Variants in GLUL observed in about 807,000 individuals in gnomAD.
GLUL encodes the protein glutamate-ammonia ligase, also known as glutamine synthetase.
In GLUL, 8 loss-of-function variants were observed where a neutral mutation model predicts 36.9. The observed-to-expected ratio is 0.22, with a 90% CI of 0.13 to 0.39. The LOEUF (loss-of-function observed/expected upper bound fraction) is 0.39. Ranked by LOEUF, GLUL falls within the 10% of genes least tolerant of loss-of-function variation. GLUL has a pLI of 1.00. For missense variants in GLUL, 315 were observed against 501.8 expected (o/e 0.63, Z 3.56); for synonymous variants, 182 against 172.8 (o/e 1.05, Z -0.42).
At chr1:182,386,001 C>A in intron 4 of GLUL, 114 bp from the exon 5 acceptor site, 1 of 1,150,268 alleles carries the variant, frequency 8.7e-7, no homozygotes, top group Non-Finnish European at 1.3e-6. Flanking sequence ...TTGCCTTCAT[C>A]TGCAGGTGCG....
At chr1:182,391,142 G>A in intron 1 of GLUL, 1 of 398,552 alleles carries the variant, frequency 2.5e-6, no homozygotes, top group Non-Finnish European at 4.4e-6. Context: ...CCGGGACCCC[G>A]AGGCGGGAGC....
intron 4 of GLUL, 23 bp from the exon 5 acceptor site, chr1:182,385,910 C>T (rs762609090): frequency 7.4e-6 from 12 of 1,612,232 alleles, no homozygotes; most frequent in Middle Eastern, 1.7e-4. Flanking sequence ...CAGGACAAAA[C>T]ACTAAGAGTC....
chr1:182,391,082 G>T, intron 1 of GLUL: 2 of 398,384 alleles, frequency 5.0e-6, no homozygotes, highest in South Asian at 2.6e-4. Flanking sequence ...CTTCTCCACT[G>T]ACTGCGCCGA....
chr1:182,389,562 A>T, intron 1 of GLUL: 1 of 152,092 alleles, frequency 6.6e-6, no homozygotes, highest in East Asian at 1.9e-4. Context: ...CTTGTCAAGT[A>T]ATTAGGAAAT....
Position 182,384,199 on chromosome 1 carries a change from AAAG to A in GLUL, c.*203_*205del, listed in dbSNP as rs1222072720. 3 of 578,084 alleles carry A rather than the reference AAAG, an allele frequency of 5.2e-6. No homozygotes were observed. The highest frequency in any genetic ancestry group is 9.3e-6 in the Non-Finnish European group (3 of 324,216). The allele number at this position is 578,084 out of a possible 1,614,324, so 35.8% of individuals were successfully genotyped here. On this transcript the variant is annotated 3_prime_UTR_variant, in exon 7 of 7. Transcript: ENST00000331872. ...TAAAAAGCTTCAGTGATAGGGAAAA[AAAG>A]GAGGGTAGGTGTGAAGAAATTAATA...
intron 1 of GLUL, 192 bp from the exon 2 acceptor site, chr1:182,388,942 C>A (rs1202996164): frequency 3.4e-6 from 2 of 587,420 alleles, no homozygotes; most frequent in African/African-American, 3.7e-5. Context: ...AGGCAAAAAT[C>A]TCCTTTATAA....
rs1649911083 is a variant in GLUL at position 182,381,083 on chromosome 1, A to T, written c.*3322T>A. Among the ~76,000 whole-genome samples, 1 of 152,224 alleles carries T rather than the reference A, an allele frequency of 6.6e-6. No individual in the cohort carries two copies. The highest frequency in any genetic ancestry group is 2.1e-4 in the South Asian group (1 of 4,832). On this transcript the variant is annotated 3_prime_UTR_variant, in exon 7 of 7. Coordinates refer to ENST00000331872, the MANE Select transcript of GLUL (RefSeq NM_001033044.4). Reference sequence around the variant, plus strand: ...GGAGTTCAAGACCAGCCTGGCCAACATGGTGAAACCCCATCTGTACTAAAA... The same window carrying T: ...GGAGTTCAAGACCAGCCTGGCCAACTTGGTGAAACCCCATCTGTACTAAAA...
chr1:182,388,907 C>T, intron 1 of GLUL, 157 bp from the exon 2 acceptor site: 1 of 675,664 alleles, frequency 1.5e-6, no homozygotes, highest in South Asian at 1.6e-5. Context: ...TTTACTCACT[C>T]TTTCAGGGGG....
At chr1:182,388,817 CAAG>C (rs1558164460) in intron 1 of GLUL, 67 bp from the exon 2 acceptor site, 43 of 1,227,912 alleles carry the variant, frequency 3.5e-5, no homozygotes, top group Middle Eastern at 2.3e-4. Context: ...AAAAATGGCT[CAAG>C]AAGGACGACT....
At chr1:182,384,804 C>T in intron 6 of GLUL, 81 bp from the exon 7 acceptor site, 1 of 998,010 alleles carries the variant, frequency 1.0e-6, no homozygotes, top group Non-Finnish European at 1.6e-6. Flanking sequence ...AATATGATAC[C>T]AGTAGAACAA....
rs151148600 is a variant in GLUL at position 182,385,660 on chromosome 1, G to C, written c.603+100C>G. On this transcript the variant is annotated intron_variant, in intron 5 of 6. Coordinates refer to ENST00000331872, the MANE Select transcript of GLUL (RefSeq NM_001033044.4). ...TCACCTGTACTCCAACCCGTTCTTA[G>C]GTTTTGGGTTAGTGAGTGGTGTATC... 5.0e-4 allele frequency: 779 copies of C among 1,557,834 alleles called. 3 individuals are homozygous for C. The African/African-American group carries it at 9.7e-3, about 19-fold the overall frequency.
Position 182,383,372 on chromosome 1 carries a change from C to T in GLUL, c.*1033G>A, listed in dbSNP as rs186333925. 1 of 152,186 alleles carries T rather than the reference C, an allele frequency of 6.6e-6. No homozygotes were observed. Among genetic ancestry groups the T allele is most frequent in the African/African-American group, 2.4e-5 (1 of 41,426 alleles). 9.4% of individuals were successfully genotyped at this position (152,186 alleles called of 1,614,324 possible). ...CTACCAGAAAATAACCCCAATACCC[C>T]CTCTGTCAGTAACATGCTCAAGTTG... is the stretch of plus-strand genomic sequence containing the variant. On this transcript the variant is annotated 3_prime_UTR_variant, in exon 7 of 7. Transcript: ENST00000331872.
In GLUL at chr1:182,384,727, G is replaced by T; in HGVS notation, c.804-4C>A. The T allele has an allele frequency of 6.2e-7, 1 of 1,612,226 alleles. No individual in the cohort carries two copies. The highest frequency in any genetic ancestry group is 8.5e-7 in the Non-Finnish European group (1 of 1,178,340). On this transcript the variant is annotated splice_polypyrimidine_tract_variant and splice_region_variant and intron_variant, in intron 6 of 6. Transcript: ENST00000331872. ...CTCAATGGCCTCCTCGATGTACCTA[G>T]AGTAAACAGAAAAGATGGCAGTCCA...
Position 182,387,130 on chromosome 1 carries a change from C to A in GLUL, c.328+1G>T. On this transcript the variant is annotated splice_donor_variant, in intron 3 of 6. Coordinates refer to ENST00000331872, the MANE Select transcript of GLUL (RefSeq NM_001033044.4). LOFTEE classifies it high-confidence loss of function. ...GTATCCATAGCTGTGCTATAACACA[C>A]CTGCAGGCCTTCGATTGTACTTGAA... 2 of 1,610,188 alleles carry A rather than the reference C, an allele frequency of 1.2e-6. No individual in the cohort carries two copies. The highest frequency in any genetic ancestry group is 1.7e-6 in the Non-Finnish European group (2 of 1,176,466).
chr1:182,384,284 A>G lies in GLUL; in HGVS notation c.*121T>C. The G allele has an allele frequency of 1.3e-6, 1 of 752,842 alleles. No individual in the cohort carries two copies. The highest frequency in any genetic ancestry group is 2.7e-5 in the East Asian group (1 of 37,332). 46.6% of individuals were successfully genotyped at this position (752,842 alleles called of 1,614,324 possible). ...AAGCAAGATTAACTGGGCACATGGA[A>G]TGAAAAAAACGACCTTGATATTCCA... On this transcript the variant is annotated 3_prime_UTR_variant, in exon 7 of 7. Transcript: ENST00000331872.
chr1:182,384,942 T>C (rs1650108116), intron 6 of GLUL: 2 of 591,244 alleles, frequency 3.4e-6, no homozygotes, highest in South Asian at 3.9e-5. Context: ...CTCCCCCTCA[T>C]AAGCATTAAG....
chr1:182,389,715 C>T (rs1158101191), intron 1 of GLUL: 1 of 152,292 alleles, frequency 6.6e-6, no homozygotes, highest in East Asian at 1.9e-4. Context: ...TCTCTCCCTC[C>T]TCCCTCCGTG....
In GLUL at chr1:182,384,100, G is replaced by A. The variant is rs886045614; in HGVS notation, c.*305C>T. 1.3e-5 allele frequency: 5 copies of A among 398,298 alleles called. No individual in the cohort carries two copies. Among genetic ancestry groups the A allele is most frequent in the African/African-American group, 2.1e-5 (1 of 48,532 alleles). The allele number at this position is 398,298 out of a possible 1,614,324, so 24.7% of individuals were successfully genotyped here. ...AAACGTGCTCTGTCCGGATAGCTAC[G>A]CCTATTGGACAGGTGCACCCCATTA... On this transcript the variant is annotated 3_prime_UTR_variant, in exon 7 of 7. Transcript: ENST00000331872.
intron 4 of GLUL, 165 bp from the exon 5 acceptor site, chr1:182,386,052 G>A: frequency 4.6e-6 from 4 of 869,992 alleles, no homozygotes; most frequent in Non-Finnish European, 7.8e-6. Flanking sequence ...CTTCACCACA[G>A]CTTCAGTGGG....
Sources: gnomAD v4.1 joint callset for allele counts (sites outside exome capture counted in the v4.1 genomes callset) on GRCh38, gnomAD v4.1.1 for gene constraint, MANE v1.5 for transcripts, NCBI Gene and HGNC (gene_info 2026-07-23, HGNC 2026-07-21) for gene names.